TAFA1: variants seen among roughly 807,000 people sequenced by gnomAD.
The protein encoded by TAFA1 is TAFA chemokine like family member 1.
TAFA1 carries 4 observed loss-of-function variants against 18.5 expected under a neutral mutation model. That is an observed-to-expected ratio of 0.22 (90% CI 0.11 to 0.49). The LOEUF (loss-of-function observed/expected upper bound fraction) is 0.49. TAFA1 is among the 20% of genes least tolerant of loss of function. The pLI is 0.98. For synonymous variants in TAFA1, 56 were observed against 55.2 expected, an observed-to-expected ratio of 1.01 and a Z score of -0.06; for missense variants, 147 against 169.0, an observed-to-expected ratio of 0.87 and a Z score of 0.72.
intron 2 of TAFA1, among the ~76,000 whole-genome samples, chr3:68,242,806 A>G (rs951331645): frequency 6.6e-6 from 1 of 152,050 alleles, no homozygotes; most frequent in Non-Finnish European, 1.5e-5. Context: ...CTCTTAAGTA[A>G]TGATGTGAGA....
At chr3:68,485,912 T>G (rs776334452) in intron 3 of TAFA1, among the ~76,000 whole-genome samples, 4 of 152,068 alleles carry the variant, frequency 2.6e-5, no homozygotes, top group Admixed American at 6.6e-5. Context: ...GTCAGTAAAA[T>G]GGAGAACTTT....
At chr3:68,082,594 CA>C (rs2064918946) in intron 2 of TAFA1, among the ~76,000 whole-genome samples, 2 of 152,144 alleles carry the variant, frequency 1.3e-5, no homozygotes, top group South Asian at 4.1e-4. Flanking sequence ...GTTGTTTGAG[CA>C]CTGAAAGAGT....
the TAFA1 span, among the ~76,000 whole-genome samples, chr3:67,996,596 C>T: frequency 8.5e-5 from 13 of 152,078 alleles, no homozygotes; most frequent in African/African-American, 2.2e-4. Context: ...GCCAGGAGTT[C>T]GAGACCAGCC....
intron 2 of TAFA1, among the ~76,000 whole-genome samples, chr3:68,397,075 A>C (rs2070395176): frequency 6.6e-6 from 1 of 152,180 alleles, no homozygotes; most frequent in Admixed American, 6.5e-5. Context: ...AAAACTATGG[A>C]GGAAAAAAAG....
chr3:68,294,500 G>T (rs2068171777), intron 2 of TAFA1, among the ~76,000 whole-genome samples: 1 of 152,138 alleles, frequency 6.6e-6, no homozygotes, highest in Admixed American at 6.5e-5. Context: ...AAAGTAAAAT[G>T]CAGTTCTGCC....
chr3:68,405,692 T>C (rs7633799), intron 2 of TAFA1, among the ~76,000 whole-genome samples: 52,896 of 90,474 alleles, frequency 0.58, 14,055 homozygotes, highest in African/African-American at 0.72. Context: ...GGAGTGAGAC[T>C]CTATCTCAAA....
chr3:68,301,606 A>G (rs1030293447), intron 2 of TAFA1, among the ~76,000 whole-genome samples: 2 of 152,178 alleles, frequency 1.3e-5, no homozygotes, highest in Admixed American at 1.3e-4. Flanking sequence ...AAGCAGAGCT[A>G]AAAGCAGAAA....
Position 68,288,044 on chromosome 3 carries a change from G to A in TAFA1, c.119-129236G>A, listed in dbSNP as rs192080883. Among the ~76,000 whole-genome samples, 233 of 152,080 alleles carry A rather than the reference G, an allele frequency of 1.5e-3. 2 individuals carry two copies. The highest frequency in any genetic ancestry group is 4.3e-3 in the Admixed American group (65 of 15,278). The stretch of plus-strand genomic sequence containing the variant: ...CATGGTAAATTCCTGTTAGTGAAGC[G>A]CTTTCCTTGGGTTCCGAAGCCTCCT... On this transcript the variant is annotated intron_variant, in intron 2 of 4. Coordinates refer to ENST00000478136, the MANE Select transcript of TAFA1 (RefSeq NM_213609.4).
intron 3 of TAFA1, among the ~76,000 whole-genome samples, chr3:68,505,204 T>C (rs2072726156): frequency 6.6e-6 from 1 of 152,134 alleles, no homozygotes; most frequent in African/African-American, 2.4e-5. Context: ...TTTTACACTT[T>C]TCAAGTGTTC....
chr3:68,318,893 A>G (rs868390681), intron 2 of TAFA1, among the ~76,000 whole-genome samples: 1 of 152,224 alleles, frequency 6.6e-6, no homozygotes, highest in Non-Finnish European at 1.5e-5. Context: ...AGATCCCAAT[A>G]GTTAAATTCA....
At chr3:68,013,209 A>C (rs1704505980) in intron 2 of TAFA1, among the ~76,000 whole-genome samples, 1 of 152,274 alleles carries the variant, frequency 6.6e-6, no homozygotes. Flanking sequence ...ATTTTGGTGG[A>C]ATCTTAAACT....
chr3:68,017,053 G>T (rs577976684), intron 2 of TAFA1, among the ~76,000 whole-genome samples: 13 of 152,218 alleles, frequency 8.5e-5, no homozygotes, highest in African/African-American at 2.6e-4. Flanking sequence ...GTAACTAGAG[G>T]TCAGCCCTTT....
chr3:68,069,086 G>A (rs2064719484), intron 2 of TAFA1, among the ~76,000 whole-genome samples: 1 of 152,210 alleles, frequency 6.6e-6, no homozygotes, highest in Admixed American at 6.5e-5. Flanking sequence ...ACATTGTAAT[G>A]AAGGTGTTGC....
At chr3:68,469,493 T>C (rs1461044960) in intron 3 of TAFA1, among the ~76,000 whole-genome samples, 2 of 151,940 alleles carry the variant, frequency 1.3e-5, no homozygotes, top group Admixed American at 6.6e-5. Context: ...GCTAACAAGG[T>C]GAAACCCCGT....
At chr3:68,136,929 A>G (rs1211242379) in intron 2 of TAFA1, among the ~76,000 whole-genome samples, 1 of 152,138 alleles carries the variant, frequency 6.6e-6, no homozygotes, top group Non-Finnish European at 1.5e-5. Context: ...CTTTTTACCT[A>G]TTCATTAAGG....
At chr3:68,231,824 C>T (rs76627608) in intron 2 of TAFA1, among the ~76,000 whole-genome samples, 7 of 152,264 alleles carry the variant, frequency 4.6e-5, no homozygotes, top group South Asian at 2.1e-4. Context: ...AAAGGTTCCT[C>T]GTGCCCTTTT....
intron 2 of TAFA1, among the ~76,000 whole-genome samples, chr3:68,220,193 A>T (rs1250615650): frequency 6.6e-6 from 1 of 152,204 alleles, no homozygotes; most frequent in African/African-American, 2.4e-5. Flanking sequence ...TCAAGATGTG[A>T]AATTTATATG....
intron 2 of TAFA1, among the ~76,000 whole-genome samples, chr3:68,264,738 A>G (rs1221365337): frequency 6.6e-6 from 1 of 151,878 alleles, no homozygotes; most frequent in African/African-American, 2.4e-5. Context: ...TTTATATTCT[A>G]TATAATTTCT....
chr3:68,448,465 T>C (rs769376394), intron 3 of TAFA1, among the ~76,000 whole-genome samples: 1 of 152,210 alleles, frequency 6.6e-6, no homozygotes, highest in Non-Finnish European at 1.5e-5. Context: ...ATACGACGAC[T>C]GTACTGTTAA....
Sources: allele counts gnomAD v4.1 joint callset (sites outside exome capture counted in the v4.1 genomes callset), GRCh38; gene constraint gnomAD v4.1.1; transcripts MANE v1.5; gene names NCBI Gene and HGNC (gene_info 2026-07-23, HGNC 2026-07-21).